Variants in PRDM5 observed in about 807,000 individuals in gnomAD.
PRDM5 encodes the protein PR/SET domain 5.
Under a neutral mutation model 81.2 loss-of-function variants are expected in PRDM5, and 56 were observed. That is an observed-to-expected ratio of 0.69 (90% CI 0.56 to 0.86). The LOEUF is 0.86. Among genes scored for constraint, PRDM5 ranks in the 40% least tolerant of loss-of-function variants. The pLI, the probability that PRDM5 is intolerant of heterozygous loss-of-function variation, is 0.00. For synonymous variants in PRDM5, 267 were observed against 256.4 expected (o/e 1.04, Z -0.39); for missense variants, 697 against 770.1 (o/e 0.91, Z 1.12).
chr4:120,754,425 C>T, intron 14 of PRDM5, 128 bp downstream of exon 14: 1 of 548,932 alleles, frequency 1.8e-6, no homozygotes, highest in East Asian at 3.1e-5. Flanking sequence ...CCTGAAATAT[C>T]TGTCATAAAT....
intron 14 of PRDM5, among the ~76,000 whole-genome samples, chr4:120,730,666 G>T (rs754278543): frequency 3.9e-5 from 6 of 152,022 alleles, no homozygotes; most frequent in Non-Finnish European, 8.8e-5. Context: ...TTAAAACAAA[G>T]AAAAACTCTC....
At chr4:120,748,112 A>G (rs1743414233) in intron 14 of PRDM5, among the ~76,000 whole-genome samples, 1 of 152,232 alleles carries the variant, frequency 6.6e-6, no homozygotes, top group South Asian at 2.1e-4. Context: ...TAATTTCCAG[A>G]TGATCCATAG....
chr4:120,706,201 G>A (rs1359185134), intron 15 of PRDM5, among the ~76,000 whole-genome samples: 1 of 151,636 alleles, frequency 6.6e-6, no homozygotes, highest in East Asian at 1.9e-4. Context: ...TGACTGCTGT[G>A]AACTGCAGGC....
intron 3 of PRDM5, among the ~76,000 whole-genome samples, chr4:120,829,037 T>C (rs1015532742): frequency 1.3e-5 from 2 of 152,076 alleles, no homozygotes; most frequent in African/African-American, 4.8e-5. Flanking sequence ...AAAGTACATA[T>C]AGAGGCTGAT....
chr4:120,873,357 T>C (rs1275346897), intron 2 of PRDM5, among the ~76,000 whole-genome samples: 2 of 152,188 alleles, frequency 1.3e-5, no homozygotes, highest in Non-Finnish European at 2.9e-5. Flanking sequence ...TTCACTCTAG[T>C]TGTACAGACA....
chr4:120,890,336 G>A (rs779982812), intron 2 of PRDM5, among the ~76,000 whole-genome samples: 4 of 152,070 alleles, frequency 2.6e-5, no homozygotes. Context: ...CAGTACTAAG[G>A]GGATGGTGCT....
chr4:120,853,895 A>G (rs770635516), intron 2 of PRDM5, among the ~76,000 whole-genome samples: 1 of 152,150 alleles, frequency 6.6e-6, no homozygotes, highest in Non-Finnish European at 1.5e-5. Flanking sequence ...CCTTTTCTCC[A>G]AAGAGAAGGG....
chr4:120,873,479 G>A (rs1762047126), intron 2 of PRDM5, among the ~76,000 whole-genome samples: 1 of 152,182 alleles, frequency 6.6e-6, no homozygotes, highest in African/African-American at 2.4e-5. Context: ...CCGGCTATAA[G>A]TGGCCAACTA....
chr4:120,884,162 C>A (rs1191672742), intron 2 of PRDM5, among the ~76,000 whole-genome samples: 1 of 151,902 alleles, frequency 6.6e-6, no homozygotes, highest in Non-Finnish European at 1.5e-5. Context: ...TATAGGGATC[C>A]CATTGGTCTC....
chr4:120,874,562 G>GA (rs1000940894), intron 2 of PRDM5, among the ~76,000 whole-genome samples: 7 of 150,500 alleles, frequency 4.7e-5, no homozygotes, highest in Non-Finnish European at 7.4e-5. Context: ...AGTTCACTAA[G>GA]AAAAAAAAAT....
intron 1 of PRDM5, among the ~76,000 whole-genome samples, chr4:120,915,940 C>T (rs1417110028): frequency 1.3e-5 from 2 of 152,148 alleles, no homozygotes; most frequent in African/African-American, 2.4e-5. Context: ...CAAAAAATAA[C>T]ACAGCGAAGT....
intron 10 of PRDM5, among the ~76,000 whole-genome samples, chr4:120,797,807 G>A (rs944192137): frequency 6.6e-6 from 1 of 152,090 alleles, no homozygotes; most frequent in Non-Finnish European, 1.5e-5. Context: ...CATTTCTTAA[G>A]GAGAGAGAAC....
intron 2 of PRDM5, among the ~76,000 whole-genome samples, chr4:120,875,789 A>G (rs976751066): frequency 5.9e-5 from 9 of 152,198 alleles, no homozygotes; most frequent in Non-Finnish European, 1.2e-4. Context: ...CTTAAATAAG[A>G]AATTGCTTCC....
In PRDM5 at chr4:120,798,255, A is replaced by C. The variant is rs769879587; in HGVS notation, c.1188+12T>G. 3 of 1,500,144 alleles carry C rather than the reference A, an allele frequency of 2.0e-6. No homozygotes were observed. The South Asian group carries it at 3.9e-5, about 20-fold the overall frequency. The allele number at this position is 1,500,144 out of a possible 1,614,324, so 92.9% of individuals were successfully genotyped here. A position where few individuals can be genotyped will look rare whatever the true frequency, so the allele number is the denominator to read the frequency against. On this transcript the variant is annotated intron_variant, in intron 10 of 15. Coordinates refer to ENST00000264808, the MANE Select transcript of PRDM5 (RefSeq NM_018699.4). ...ATTCATAAAAAATAATAATAATATT[A>C]ATAAGTTTTACCTTCTTATGATTCT...
At chr4:120,798,533 G>A (rs1279581871) in intron 9 of PRDM5, 109 bp from the exon 10 acceptor site, 9 of 984,138 alleles carry the variant, frequency 9.1e-6, no homozygotes, top group African/African-American at 1.6e-5. Context: ...ACTAAAGGAT[G>A]GTCAAACAAC....
At chr4:120,795,478 T>C (rs1446832750) in intron 10 of PRDM5, among the ~76,000 whole-genome samples, 1 of 149,624 alleles carries the variant, frequency 6.7e-6, no homozygotes. Context: ...GATCCTAAAA[T>C]ACAACTGTAA....
At chr4:120,920,587 T>G (rs1477198222) in intron 1 of PRDM5, among the ~76,000 whole-genome samples, 3 of 152,222 alleles carry the variant, frequency 2.0e-5, no homozygotes, top group Admixed American at 2.0e-4. Flanking sequence ...AGCTTTGTCT[T>G]CGTCCTCAGA....
At chr4:120,741,924 C>T (rs570696488) in intron 14 of PRDM5, among the ~76,000 whole-genome samples, 39 of 152,348 alleles carry the variant, frequency 2.6e-4, no homozygotes, top group Non-Finnish European at 4.9e-4. Flanking sequence ...GTGGAGCCCA[C>T]CACAGCTCAA....
intron 15 of PRDM5, among the ~76,000 whole-genome samples, chr4:120,701,171 A>AC (rs1465704089): frequency 1.3e-5 from 2 of 151,972 alleles, no homozygotes; most frequent in Non-Finnish European, 2.9e-5. Flanking sequence ...GGTAAAAAAA[A>AC]AACAACAGAT....
Sources: gnomAD v4.1 joint callset for allele counts (sites outside exome capture counted in the v4.1 genomes callset) on GRCh38, gnomAD v4.1.1 for gene constraint, MANE v1.5 for transcripts, NCBI Gene and HGNC (gene_info 2026-07-23, HGNC 2026-07-21) for gene names.